Variants in DDX27 observed in about 807,000 individuals in gnomAD.
DDX27 encodes probable ATP-dependent RNA helicase DDX27.
Under a neutral mutation model 99.3 loss-of-function variants are expected in DDX27, and 42 were observed. That is an observed-to-expected ratio of 0.42 (90% confidence interval 0.33 to 0.55). The LOEUF is 0.55. Ranked by LOEUF, DDX27 falls within the 20% of genes least tolerant of loss-of-function variation. The pLI is 0.07. For synonymous variants in DDX27, 329 were observed against 353.8 expected (o/e 0.93, Z 0.79); for missense variants, 798 against 976.8 (o/e 0.82, Z 2.44).
chr20:49,239,419 T>C (rs1455331929), intron 16 of DDX27, 81 bp downstream of exon 16: 1 of 1,046,160 alleles, frequency 9.6e-7, no homozygotes, highest in Admixed American at 2.6e-5. Context: ...AGTTCTATAC[T>C]GTAAAGCAGC....
chr20:49,219,837 G>A (rs1485028800), intron 1 of DDX27, among the ~76,000 whole-genome samples: 3 of 152,096 alleles, frequency 2.0e-5, no homozygotes, highest in Non-Finnish European at 2.9e-5. Flanking sequence ...CACCTTGTAA[G>A]AGGTGAAGTC....
chr20:49,224,269 C>G (rs184370479), intron 4 of DDX27, among the ~76,000 whole-genome samples: 1 of 152,074 alleles, frequency 6.6e-6, no homozygotes, highest in Non-Finnish European at 1.5e-5. Context: ...TAGCCCCATG[C>G]GGCTGCCAGA....
At chr20:49,228,226 T>C (rs1979970495) in intron 7 of DDX27, among the ~76,000 whole-genome samples, 1 of 151,652 alleles carries the variant, frequency 6.6e-6, no homozygotes, top group Admixed American at 6.6e-5. Context: ...CACTGCAACC[T>C]CTGCCTTCAA....
chr20:49,223,572 C>A (rs75755283), intron 4 of DDX27, 139 bp downstream of exon 4: 17 of 439,018 alleles, frequency 3.9e-5, no homozygotes, highest in Non-Finnish European at 5.7e-5. Flanking sequence ...TCCTTTCTTT[C>A]TTTTTTTTTT....
chr20:49,239,589 C>A (rs1354798748), intron 16 of DDX27, among the ~76,000 whole-genome samples: 1 of 152,156 alleles, frequency 6.6e-6, no homozygotes, highest in African/African-American at 2.4e-5. Flanking sequence ...GAATCTAATG[C>A]TGCTGCTGAT....
In DDX27 at chr20:49,221,524, G is replaced by A. The variant is rs758878146; in HGVS notation, c.166G>A (p.Val56Ile). The part of the protein sequence containing the change: ...NRSADFNPDF[V>I]FTEKEGTYDG... ...CAGTGCTGATTTCAACCCTGATTTC[G>A]TTTTCACTGAGAAGGAGGGGACGTA... The change falls in exon 2 of 21, where the codon GTT becomes ATT. Residue 56 changes from valine (V) to isoleucine (I), a missense_variant. Transcript: ENST00000618172. 2.0e-5 allele frequency: 33 copies of A among 1,613,624 alleles called. 1 individual carries two copies. In the South Asian group the frequency reaches 2.3e-4, roughly 11 times the overall value.
At chr20:49,231,464 C>T (rs1302114705) in intron 9 of DDX27, among the ~76,000 whole-genome samples, 1 of 152,088 alleles carries the variant, frequency 6.6e-6, no homozygotes, top group Non-Finnish European at 1.5e-5. Context: ...GGGAGGGAAA[C>T]TATTCAAGTA....
chr20:49,221,039 G>A (rs1568970202), intron 1 of DDX27, among the ~76,000 whole-genome samples: 1 of 152,044 alleles, frequency 6.6e-6, no homozygotes, highest in Non-Finnish European at 1.5e-5. Context: ...TCGGCTCACC[G>A]CAGCCTCCCC....
Position 49,243,649 on chromosome 20 carries a change from A to C in DDX27, c.2225A>C (p.Lys742Thr), listed in dbSNP as rs1257839872. ...CACAGCCCTTCCTTTGAAGAAAGGA[A>C]ACAGTTGGGCTTGCCCCACCAGAGA... ...YRAGPSFEER[K>T]QLGLPHQRRG... Residue 742 changes from lysine to threonine, a missense_variant, in exon 20 of 21, where the codon AAA becomes ACA. Lys to Thr is a moderately conservative substitution (Grantham distance 78). Around this residue, in one of 2 missense-constraint regions of DDX27, gnomAD observed 553 missense variants for 727.9 expected, o/e 0.76. Transcript: ENST00000618172. The C allele has an allele frequency of 6.2e-7, 1 of 1,614,246 alleles. No individual in the cohort carries two copies. Among genetic ancestry groups the C allele is most frequent in the Admixed American group, 1.7e-5 (1 of 60,020 alleles).
rs1298000053 is a variant in DDX27, at chr20:49,230,242, G to A, written c.924G>A (p.Ala308=). 7.4e-6 allele frequency: 12 copies of A among 1,613,098 alleles called. No individual in the cohort carries two copies. The highest frequency in any genetic ancestry group is 2.7e-5 in the African/African-American group (2 of 74,900). Residue 308 remains alanine, a synonymous_variant, in exon 9 of 21, where the codon GCG becomes GCA. Coordinates refer to ENST00000618172, the MANE Select transcript of DDX27 (RefSeq NM_017895.8). ...VKSQEAALRA[A]PDILIATPGR... ...CTCAGGAAGCAGCTCTTCGGGCAGCGCCTGACATCCTCATCGCCACCCCAG... is the reference window on the plus strand; with the variant it reads ...CTCAGGAAGCAGCTCTTCGGGCAGCACCTGACATCCTCATCGCCACCCCAG...
At chr20:49,224,366 C>CT (rs11381256) in intron 4 of DDX27, among the ~76,000 whole-genome samples, 7,479 of 144,346 alleles carry the variant, frequency 0.052, 686 homozygotes, top group African/African-American at 0.18. Flanking sequence ...TTCTTTCTTT[C>CT]TTTTTTTTTT....
Position 49,235,001 on chromosome 20 carries a change from G to A in DDX27, c.1340G>A (p.Arg447His), listed in dbSNP as rs199943093. ...LFTQTKKQAH[R>H]MHILLGLMGL... is the part of the protein sequence containing the mutation. ...ACGCAAACCAAGAAGCAGGCCCACC[G>A]CATGCACATCCTCCTGGGGCTCATG... The change falls in exon 12 of 21, where the codon CGC becomes CAC. Residue 447 changes from arginine to histidine, a missense_variant. By Grantham distance (29) the Arg-to-His change is conservative. This residue lies in a region of DDX27 where 553 missense variants were observed against 727.9 expected (regional missense o/e 0.76). Coordinates refer to ENST00000618172, the MANE Select transcript of DDX27 (RefSeq NM_017895.8). 181 of 1,613,480 alleles carry A rather than the reference G, an allele frequency of 1.1e-4. No individual in the cohort carries two copies. The highest frequency in any genetic ancestry group is 1.3e-4 in the Non-Finnish European group (159 of 1,179,724).
chr20:49,233,592 T>G lies in DDX27; in HGVS notation c.1156T>G (p.Leu386Val). ...DEVKDLASVS[L>V]KNPVRIFVNS... ...GGTGAAAGATCTGGCTTCTGTCTCC[T>G]TGAAGAATCCTGTCCGGATATTTGT... Residue 386 changes from leucine to valine, a missense_variant, in exon 11 of 21, where the codon TTG becomes GTG. Physicochemically the swap from Leu to Val is conservative, Grantham distance 32. Around this residue, in one of 2 missense-constraint regions of DDX27, gnomAD observed 553 missense variants for 727.9 expected, o/e 0.76. Coordinates refer to ENST00000618172, the MANE Select transcript of DDX27 (RefSeq NM_017895.8). The G allele has an allele frequency of 6.2e-7, 1 of 1,613,710 alleles. No homozygotes were observed. Among genetic ancestry groups the G allele is most frequent in the East Asian group, 2.2e-5 (1 of 44,870 alleles).
Position 49,233,302 on chromosome 20 carries a change from C to A in DDX27, c.1032-4C>A, listed in dbSNP as rs1445444471. ...ATTTCTGCCATGTCTTTCTCTGCTC[C>A]CAGGATGCTGGATGAGTACTTTGAG... On this transcript the variant is annotated splice_region_variant and splice_polypyrimidine_tract_variant and intron_variant, in intron 9 of 20. Coordinates refer to ENST00000618172, the MANE Select transcript of DDX27 (RefSeq NM_017895.8). The A allele has an allele frequency of 5.6e-6, 9 of 1,613,198 alleles. No homozygotes were observed. Among genetic ancestry groups the A allele is most frequent in the Non-Finnish European group, 7.6e-6 (9 of 1,179,358 alleles).
chr20:49,226,546 T>C lies in DDX27; in HGVS notation c.706+11T>C. 1 of 1,610,800 alleles carries C rather than the reference T, an allele frequency of 6.2e-7. No individual in the cohort carries two copies. The highest frequency in any genetic ancestry group is 1.1e-5 in the South Asian group (1 of 90,804). ...CAGCCACTGGGACAGGTGAAAAGGA[T>C]AGGGACCCAGGGTGGGCAGAAGGGT... On this transcript the variant is annotated intron_variant, in intron 7 of 20. Transcript: ENST00000618172.
chr20:49,238,792 T>TTTG, intron 14 of DDX27, 157 bp from the exon 15 acceptor site: 1 of 239,376 alleles, frequency 4.2e-6, no homozygotes, highest in Non-Finnish European at 7.1e-6. Flanking sequence ...TTTTTTTTTG[T>TTTG]AGAGACAGAG....
chr20:49,232,877 T>G (rs887772700), intron 9 of DDX27: 19 of 163,674 alleles, frequency 1.2e-4, no homozygotes, highest in Non-Finnish European at 2.4e-4. Context: ...GAGGCCGAGA[T>G]TGTGCCATTG....
chr20:49,242,223 C>A lies in DDX27; in HGVS notation c.2116+17C>A. ...GAGGTCCTGGTAGGTGAATGGGGAGCCCAAAGGAGCTTGTACAAGGTTTTC... is the reference window on the plus strand; with the variant it reads ...GAGGTCCTGGTAGGTGAATGGGGAGACCAAAGGAGCTTGTACAAGGTTTTC... On this transcript the variant is annotated intron_variant, in intron 18 of 20. Transcript: ENST00000618172. 6.2e-7 allele frequency: 1 copy of A among 1,613,314 alleles called. No individual in the cohort carries two copies. Among genetic ancestry groups the A allele is most frequent in the East Asian group, 2.2e-5 (1 of 44,876 alleles).
Position 49,236,546 on chromosome 20 carries a change from C to T in DDX27, c.1687+36C>T, listed in dbSNP as rs1388929091. The T allele has an allele frequency of 5.9e-6, 9 of 1,513,140 alleles. No homozygotes were observed. Among genetic ancestry groups the T allele is most frequent in the Admixed American group, 4.4e-5 (2 of 45,390 alleles). 93.7% of individuals were successfully genotyped at this position (1,513,140 alleles called of 1,614,324 possible). On this transcript the variant is annotated intron_variant, in intron 14 of 20. Transcript: ENST00000618172. The surrounding 1 kb of genome is among the most constrained non-coding windows in gnomAD (Gnocchi z 4.1). ...ACCCCTGTGGCAGTGCAGAATGGCT[C>T]GGTGGGCGGGGCAAGGACAGAGTGT...
Sources: gnomAD v4.1 joint callset for allele counts (sites outside exome capture counted in the v4.1 genomes callset) on GRCh38, gnomAD v4.1.1 for gene constraint, gnomAD v4.1.1 regional missense constraint, Gnocchi (gnomAD v3.1) non-coding constraint, MANE v1.5 for transcripts, NCBI Gene and HGNC (gene_info 2026-07-23, HGNC 2026-07-21) for gene names.